Variants in ARHGEF7 observed in about 807,000 individuals in gnomAD.
The protein encoded by ARHGEF7 is PAK-interacting exchange factor beta.
In ARHGEF7, 33 loss-of-function variants were observed where a neutral mutation model predicts 109.8. The ratio of observed to expected loss-of-function variants is 0.30; its 90% CI spans 0.23 to 0.40. ARHGEF7 has a LOEUF of 0.40. Among genes scored for constraint, ARHGEF7 ranks in the 10% least tolerant of loss-of-function variants. ARHGEF7 has a pLI of 1.00. For missense variants in ARHGEF7, 938 were observed against 1,098.5 expected, an observed-to-expected ratio of 0.85 and a Z score of 2.07; for synonymous variants, 458 against 424.6, an observed-to-expected ratio of 1.08 and a Z score of -0.97.
rs1474275802 is a variant in ARHGEF7 at position 111,266,432 on chromosome 13, G to A, written c.951-1116G>A. ...CCTTGCACTCTTTCTGTTTAGTCGT[G>A]TGATGATTTCTTTGATTGACTTCTG... On this transcript the variant is annotated intron_variant, in intron 8 of 21. Transcript: ENST00000646102. The surrounding 1 kb of genome is among the most constrained non-coding windows in gnomAD (Gnocchi z 4.8). Among the ~76,000 whole-genome samples, 2 of 152,146 alleles carry A rather than the reference G, an allele frequency of 1.3e-5. No individual in the cohort carries two copies. Among genetic ancestry groups the A allele is most frequent in the Non-Finnish European group, 2.9e-5 (2 of 68,030 alleles).
At chr13:111,175,236 C>T (rs1291430230) in intron 2 of ARHGEF7, among the ~76,000 whole-genome samples, 2 of 152,180 alleles carry the variant, frequency 1.3e-5, no homozygotes, top group South Asian at 2.1e-4. Context: ...CCCACACTGT[C>T]TTAGAAGCTC....
At chr13:111,179,033 G>A (rs140975499) in intron 2 of ARHGEF7, among the ~76,000 whole-genome samples, 31 of 151,072 alleles carry the variant, frequency 2.1e-4, no homozygotes, top group Non-Finnish European at 3.1e-4. Context: ...GTGAACATCC[G>A]TGTGCCCTTC....
intron 2 of ARHGEF7, among the ~76,000 whole-genome samples, chr13:111,176,819 C>T (rs904705272): frequency 4.6e-5 from 7 of 152,162 alleles, no homozygotes; most frequent in Non-Finnish European, 7.3e-5. Context: ...TGCAATGGTG[C>T]GATTTTGGCT....
intron 3 of ARHGEF7, among the ~76,000 whole-genome samples, chr13:111,206,500 A>G (rs2081879372): frequency 3.3e-5 from 5 of 152,218 alleles, no homozygotes; most frequent in Admixed American, 3.3e-4. Context: ...GCGTGTTCAC[A>G]GCTTGACTTC....
At chr13:111,274,391 T>A (rs1215859047) in intron 10 of ARHGEF7, among the ~76,000 whole-genome samples, 1 of 152,226 alleles carries the variant, frequency 6.6e-6, no homozygotes, top group African/African-American at 2.4e-5. Context: ...AAACCTTTTC[T>A]ATAAGGGGGC....
chr13:111,196,019 G>A (rs1001763721), intron 2 of ARHGEF7, among the ~76,000 whole-genome samples: 18 of 152,230 alleles, frequency 1.2e-4, no homozygotes, highest in African/African-American at 1.4e-4. Flanking sequence ...TGATATCTGC[G>A]GCTGATTGGG....
intron 1 of ARHGEF7, among the ~76,000 whole-genome samples, chr13:111,133,812 T>TATATAAAAATAA (rs1555341569): frequency 1.6e-5 from 1 of 62,568 alleles, no homozygotes; most frequent in African/African-American, 8.1e-5. Flanking sequence ...TATATATATA[T>TATATAAAAATAA]ATTTATTATA....
intron 19 of ARHGEF7, 36 bp from the exon 20 acceptor site, chr13:111,300,712 G>A (rs1411803852): frequency 5.7e-6 from 8 of 1,400,532 alleles, no homozygotes; most frequent in African/African-American, 4.4e-5. Context: ...CATGGTATTC[G>A]CCTGAGGTTT....
chr13:111,209,851 C>CTG (rs1210084919), intron 3 of ARHGEF7, 21 bp from the exon 4 acceptor site: 1 of 1,610,484 alleles, frequency 6.2e-7, no homozygotes, highest in East Asian at 2.2e-5. Flanking sequence ...CTCTCTTTTT[C>CTG]TGTGTGCATG....
At chr13:111,175,266 T>C (rs1341826789) in intron 2 of ARHGEF7, among the ~76,000 whole-genome samples, 1 of 152,176 alleles carries the variant, frequency 6.6e-6, no homozygotes, top group African/African-American at 2.4e-5. Context: ...GGCCCACACT[T>C]GTATGGTTCA....
Position 111,115,639 on chromosome 13 carries a change from G to A in ARHGEF7, c.113G>A (p.Gly38Glu). 1 of 1,387,024 alleles carries A rather than the reference G, an allele frequency of 7.2e-7. No homozygotes were observed. Among genetic ancestry groups the A allele is most frequent in the Non-Finnish European group, 9.5e-7 (1 of 1,056,238 alleles). 85.9% of individuals were successfully genotyped at this position (1,387,024 alleles called of 1,614,324 possible). ...EGFLQASLKD[G>E]VVLCRLLERL... is the part of the protein sequence containing the mutation. ...TTTCTGCAGGCGTCGCTGAAGGATGGGGTGGTCCTCTGCAGGCTGCTGGAG... is the reference window on the plus strand; with the variant it reads ...TTTCTGCAGGCGTCGCTGAAGGATGAGGTGGTCCTCTGCAGGCTGCTGGAG... Residue 38 changes from glycine to glutamate, a missense_variant, in exon 1 of 22, where the codon GGG becomes GAG. Around this residue, in one of 4 missense-constraint regions of ARHGEF7, gnomAD observed 165 missense variants for 125.8 expected, o/e 1.31. Transcript: ENST00000646102.
intron 1 of ARHGEF7, among the ~76,000 whole-genome samples, chr13:111,141,103 C>A (rs773261695): frequency 1.2e-4 from 19 of 152,142 alleles, no homozygotes; most frequent in Non-Finnish European, 2.1e-4. Context: ...TATTAACACC[C>A]TACATTAGTA....
chr13:111,193,129 G>T (rs1358742841), intron 2 of ARHGEF7, among the ~76,000 whole-genome samples: 2 of 152,188 alleles, frequency 1.3e-5, no homozygotes, highest in African/African-American at 4.8e-5. Flanking sequence ...TGAAAAGTTT[G>T]TTGGAGGGTT....
At chr13:111,172,172 G>A (rs1287616551) in intron 2 of ARHGEF7, among the ~76,000 whole-genome samples, 1 of 152,188 alleles carries the variant, frequency 6.6e-6, no homozygotes, top group Admixed American at 6.5e-5. Context: ...AAGCCAGTAA[G>A]GGAGATTGTA....
intron 1 of ARHGEF7, chr13:111,153,532 A>T: frequency 1.3e-6 from 1 of 763,698 alleles, no homozygotes; most frequent in Non-Finnish European, 1.6e-6. Flanking sequence ...GCACTGGGCC[A>T]GAGGAGGTGG....
At chr13:111,232,818 C>G (rs2086281175) in intron 5 of ARHGEF7, among the ~76,000 whole-genome samples, 2 of 152,138 alleles carry the variant, frequency 1.3e-5, no homozygotes, top group Admixed American at 1.3e-4. Context: ...TAACTTTTAG[C>G]CCTGATGTTT....
chr13:111,208,160 C>T (rs2082102541), intron 3 of ARHGEF7, among the ~76,000 whole-genome samples: 1 of 152,232 alleles, frequency 6.6e-6, no homozygotes, highest in African/African-American at 2.4e-5. Flanking sequence ...CCTGCCTCGG[C>T]CTCCCGAGTA....
At chr13:111,248,625 C>G (rs2089289764) in intron 8 of ARHGEF7, among the ~76,000 whole-genome samples, 1 of 152,182 alleles carries the variant, frequency 6.6e-6, no homozygotes, top group East Asian at 1.9e-4. Context: ...TGCCTCTCTA[C>G]TCTCTTGTTC....
At chr13:111,227,443 C>T (rs1231465437) in intron 5 of ARHGEF7, among the ~76,000 whole-genome samples, 1 of 152,220 alleles carries the variant, frequency 6.6e-6, no homozygotes, top group East Asian at 1.9e-4. Flanking sequence ...GCAAGACCCT[C>T]TACAAAGAGA....
Sources: allele counts gnomAD v4.1 joint callset (sites outside exome capture counted in the v4.1 genomes callset), GRCh38; gene constraint gnomAD v4.1.1; regional missense constraint gnomAD v4.1.1; non-coding constraint Gnocchi (gnomAD v3.1); transcripts MANE v1.5; gene names NCBI Gene and HGNC (gene_info 2026-07-23, HGNC 2026-07-21).